The following FRMPD4 variants were observed in gnomAD, a reference collection of about 807,000 sequenced individuals.
FRMPD4 encodes FERM and PDZ domain containing 4.
In FRMPD4, 22 loss-of-function variants were observed where a neutral mutation model predicts 94.1. The ratio of observed to expected loss-of-function variants is 0.23; its 90% CI spans 0.17 to 0.33. The LOEUF (loss-of-function observed/expected upper bound fraction) is 0.33. Ranked by LOEUF, FRMPD4 falls within the 10% of genes least tolerant of loss-of-function variation. The pLI is 1.00. For synonymous variants in FRMPD4, 631 were observed against 548.6 expected, an observed-to-expected ratio of 1.15 and a Z score of -2.10; for missense variants, 1,111 against 1,339.9, an observed-to-expected ratio of 0.83 and a Z score of 2.67.
intron 3 of FRMPD4, among the ~76,000 whole-genome samples, chrX:11,920,128 T>C (rs2054047099): frequency 8.9e-6 from 1 of 111,794 alleles, no homozygotes; most frequent in Non-Finnish European, 1.9e-5. Flanking sequence ...CTAATAAAAA[T>C]AGAGAATTTT....
intron 1 of FRMPD4, among the ~76,000 whole-genome samples, chrX:12,143,718 G>C (rs1186970764): frequency 8.9e-6 from 1 of 111,738 alleles, no homozygotes; most frequent in Admixed American, 9.5e-5. Flanking sequence ...GCACACATGC[G>C]GGCACACACG....
At chrX:12,579,953 CA>C (rs1302786197) in intron 2 of FRMPD4, among the ~76,000 whole-genome samples, 1 of 112,462 alleles carries the variant, frequency 8.9e-6, no homozygotes, top group Admixed American at 9.4e-5. Flanking sequence ...GTTCAGATTA[CA>C]GATTTGTTTA....
At chrX:12,168,915 G>A (rs1040101636) in intron 1 of FRMPD4, among the ~76,000 whole-genome samples, 6 of 111,898 alleles carry the variant, frequency 5.4e-5, no homozygotes, top group Admixed American at 4.7e-4. Flanking sequence ...GTGAGCCACC[G>A]TGCCTGGCAA....
At chrX:12,263,027 G>T (rs1272440711) in intron 1 of FRMPD4, among the ~76,000 whole-genome samples, 2 of 111,590 alleles carry the variant, frequency 1.8e-5, no homozygotes, top group Non-Finnish European at 3.8e-5. Flanking sequence ...GCCTTATTTT[G>T]TTATTTCTAC....
chrX:12,422,288 G>C (rs2056893460), intron 1 of FRMPD4, among the ~76,000 whole-genome samples: 1 of 112,168 alleles, frequency 8.9e-6, no homozygotes, highest in Admixed American at 9.4e-5. Flanking sequence ...TCTAGAAACA[G>C]ATATCGTGTA....
chrX:12,354,121 C>T (rs1488335053), intron 1 of FRMPD4, among the ~76,000 whole-genome samples: 1 of 112,112 alleles, frequency 8.9e-6, no homozygotes, highest in East Asian at 2.8e-4. Context: ...TAACCTAGTA[C>T]AAATTTACTA....
In FRMPD4 at chrX:11,924,917, T is replaced by G. The variant is rs147021723; in HGVS notation, c.95+46899T>G. On this transcript the variant is annotated intron_variant, in intron 3 of 18. Coordinates refer to the FRMPD4 transcript ENST00000640291. ...CACACATATCAATACTAAGCTTAAA[T>G]GTTAATGGGCTAAATGTCCCAATTA... is the stretch of plus-strand genomic sequence containing the variant. Among the ~76,000 whole-genome samples the G allele has an allele frequency of 5.7e-3, 634 of 111,576 alleles. 3 individuals are homozygous for G. The highest frequency in any genetic ancestry group is 0.02 in the African/African-American group (609 of 30,715).
At chrX:12,029,848 C>T (rs1261793532) in intron 3 of FRMPD4, among the ~76,000 whole-genome samples, 1 of 111,189 alleles carries the variant, frequency 9.0e-6, no homozygotes, top group East Asian at 2.8e-4. Flanking sequence ...ATGACTCCAC[C>T]ATCATAAAAA....
intron 1 of FRMPD4, among the ~76,000 whole-genome samples, chrX:12,463,153 A>C (rs139007190): frequency 4.5e-5 from 5 of 111,844 alleles, no homozygotes; most frequent in Non-Finnish European, 7.5e-5. Flanking sequence ...TCTTTCTACA[A>C]ATTTAATCAG....
chrX:12,504,293 T>G (rs1174694505), intron 2 of FRMPD4, among the ~76,000 whole-genome samples: 2 of 112,735 alleles, frequency 1.8e-5, no homozygotes, highest in Non-Finnish European at 3.7e-5. Flanking sequence ...GCAGTTTGCC[T>G]CATTTTTTGT....
At chrX:12,160,002 C>T (rs1476450966) in intron 1 of FRMPD4, among the ~76,000 whole-genome samples, 2 of 110,540 alleles carry the variant, frequency 1.8e-5, no homozygotes, top group Non-Finnish European at 3.8e-5. Context: ...GAAGTTGTAA[C>T]ACCAGATGGG....
chrX:12,169,547 A>G (rs1198169502), intron 1 of FRMPD4, among the ~76,000 whole-genome samples: 2 of 111,846 alleles, frequency 1.8e-5, no homozygotes, highest in East Asian at 2.8e-4. Flanking sequence ...TTGGAACACA[A>G]CCACACCCAT....
intron 1 of FRMPD4, among the ~76,000 whole-genome samples, chrX:12,241,292 A>G: frequency 8.9e-6 from 1 of 112,446 alleles, no homozygotes; most frequent in Non-Finnish European, 1.9e-5. Flanking sequence ...CATGCCATCA[A>G]CTTTGGGTGT....
intron 1 of FRMPD4, among the ~76,000 whole-genome samples, chrX:12,278,356 G>GT (rs770356833): frequency 2.7e-5 from 3 of 111,821 alleles, no homozygotes; most frequent in Non-Finnish European, 5.6e-5. Flanking sequence ...CCAGCCACCT[G>GT]TTCTCTGAAT....
chrX:12,672,800 A>C (rs1323365934), intron 4 of FRMPD4, among the ~76,000 whole-genome samples: 1 of 111,879 alleles, frequency 8.9e-6, no homozygotes, highest in East Asian at 2.8e-4. Flanking sequence ...CTATGGAGTT[A>C]ATTCTTCTCT....
Position 11,965,076 on chromosome X carries a change from T to C in FRMPD4, c.95+87058T>C, listed in dbSNP as rs139728565. 6.2e-5 allele frequency among the ~76,000 whole-genome samples: 7 copies of C among 112,829 alleles called. No homozygotes were observed. The East Asian group carries it at 2.0e-3, about 31-fold the overall frequency. On this transcript the variant is annotated intron_variant, in intron 3 of 18. Coordinates refer to the FRMPD4 transcript ENST00000640291. Reference sequence around the variant, plus strand: ...GGCTCACTTGGATAACCCAGGCTAATGTCCCTATTGTAAGGTCACCTGATT... The same window carrying C: ...GGCTCACTTGGATAACCCAGGCTAACGTCCCTATTGTAAGGTCACCTGATT...
intron 3 of FRMPD4, among the ~76,000 whole-genome samples, chrX:12,128,570 G>A (rs930411843): frequency 4.5e-5 from 5 of 112,235 alleles, no homozygotes; most frequent in African/African-American, 1.6e-4. Flanking sequence ...CATTGTTTTG[G>A]TGATTAACAT....
At chrX:12,359,143 G>T (rs1460049047) in intron 1 of FRMPD4, among the ~76,000 whole-genome samples, 1 of 111,555 alleles carries the variant, frequency 9.0e-6, no homozygotes, top group African/African-American at 3.3e-5. Flanking sequence ...TTTTGACCTT[G>T]GATTTATTAA....
intron 1 of FRMPD4, among the ~76,000 whole-genome samples, chrX:12,396,993 G>A (rs1285532211): frequency 9.0e-6 from 1 of 111,614 alleles, no homozygotes; most frequent in East Asian, 2.8e-4. Context: ...CCCAGGTACT[G>A]AGGAGGCCGG....
Sources: allele counts gnomAD v4.1 joint callset (sites outside exome capture counted in the v4.1 genomes callset), GRCh38; gene constraint gnomAD v4.1.1; transcripts MANE v1.5; gene names NCBI Gene and HGNC (gene_info 2026-07-23, HGNC 2026-07-21).